NF1: variants seen among roughly 807,000 people sequenced by gnomAD.
NF1 encodes neurofibromin.
Under a neutral mutation model 325.7 loss-of-function variants are expected in NF1, and 122 were observed. The observed-to-expected ratio is 0.37, with a 90% CI of 0.32 to 0.44. NF1 has a LOEUF of 0.44. Among genes scored for constraint, NF1 ranks in the 20% least tolerant of loss-of-function variants. The pLI is 1.00. For synonymous variants in NF1, 1,091 were observed against 1,186.0 expected (o/e 0.92, Z 1.65); for missense variants, 2,140 against 3,415.4 (o/e 0.63, Z 9.31).
At position 31,337,354 on chromosome 17, in the gene NF1, T is replaced by C. The variant is rs779197345; in HGVS notation, c.6428-14T>C. On this transcript the variant is annotated splice_polypyrimidine_tract_variant and intron_variant, in intron 42 of 57. Coordinates refer to ENST00000358273, the MANE Select transcript of NF1 (RefSeq NM_001042492.3). ...ATATTTTCTGTCTTTACTTGTTCCTTTATTCTCTTACAGAAGAGACCAAGC... is the reference window on the plus strand; with the variant it reads ...ATATTTTCTGTCTTTACTTGTTCCTCTATTCTCTTACAGAAGAGACCAAGC... 3.1e-6 allele frequency: 5 copies of C among 1,594,118 alleles called. No individual in the cohort carries two copies. The highest frequency in any genetic ancestry group is 4.3e-6 in the Non-Finnish European group (5 of 1,162,252).
chr17:31,308,388 G>A (rs1160270029), intron 36 of NF1, among the ~76,000 whole-genome samples: 4 of 151,952 alleles, frequency 2.6e-5, no homozygotes, highest in South Asian at 4.1e-4. Context: ...TGATCTGTCC[G>A]CCTCAGCCTC....
At chr17:31,253,575 AT>A (rs1402433960) in intron 31 of NF1, 1 of 152,994 alleles carries the variant, frequency 6.5e-6, no homozygotes, top group Non-Finnish European at 1.5e-5. Context: ...CCTCAAAAAA[AT>A]AAGAGGTAAA....
rs2151552874 is a variant in NF1, at chr17:31,336,251, A to G, written c.6007-82A>G. The G allele has an allele frequency of 6.9e-7, 1 of 1,439,442 alleles. No homozygotes were observed. Among genetic ancestry groups the G allele is most frequent in the South Asian group, 1.2e-5 (1 of 83,300 alleles). 89.2% of individuals were successfully genotyped at this position (1,439,442 alleles called of 1,614,324 possible). A position where few individuals can be genotyped will look rare whatever the true frequency, so the allele number is the denominator to read the frequency against. On this transcript the variant is annotated intron_variant, in intron 40 of 57. Coordinates refer to ENST00000358273, the MANE Select transcript of NF1 (RefSeq NM_001042492.3). This position sits in a 1 kb window ranked among gnomAD's most constrained non-coding sequence, Gnocchi z 5.5. ...GTAAAATAGAATTTTCATATTGATT[A>G]GGCTGTTCCAATGAATATTTTTTAA...
chr17:31,224,309 A>G (rs2066976403), intron 16 of NF1, among the ~76,000 whole-genome samples: 1 of 152,164 alleles, frequency 6.6e-6, no homozygotes, highest in African/African-American at 2.4e-5. Flanking sequence ...GAATTCTGTT[A>G]TGGCCTAGTT....
At chr17:31,320,345 A>ATTT (rs747605818) in intron 36 of NF1, 14 of 977,092 alleles carry the variant, frequency 1.4e-5, no homozygotes, top group South Asian at 2.5e-5. Context: ...CTTTTATTTA[A>ATTT]AAAAAAAAAA....
intron 31 of NF1, among the ~76,000 whole-genome samples, chr17:31,255,422 A>G (rs78292062): frequency 6.6e-6 from 1 of 152,176 alleles, no homozygotes; most frequent in African/African-American, 2.4e-5. Flanking sequence ...GGTGAATGAA[A>G]AAAAAACAGT....
intron 35 of NF1, among the ~76,000 whole-genome samples, chr17:31,262,291 T>C (rs550001866): frequency 6.6e-6 from 1 of 152,358 alleles, no homozygotes; most frequent in South Asian, 2.1e-4. Flanking sequence ...TTAATGGTTT[T>C]AAATTATTTC....
rs1567852796 is a variant in NF1, at chr17:31,235,973, T to A, written c.3926T>A (p.Ile1309Asn). The A allele has an allele frequency of 1.2e-6, 2 of 1,614,102 alleles. No individual in the cohort carries two copies. The highest frequency in any genetic ancestry group is 1.7e-6 in the Non-Finnish European group (2 of 1,180,010). The change falls in exon 29 of 58, where the codon ATC becomes AAC. Residue 1309 changes from isoleucine (I) to asparagine (N), a missense_variant. Physicochemically the swap from Ile to Asn is moderately radical, Grantham distance 149 (BLOSUM62 -3). Around this residue, in one of 10 missense-constraint regions of NF1, gnomAD observed 336 missense variants for 399.0 expected, o/e 0.84. Coordinates refer to ENST00000358273, the MANE Select transcript of NF1 (RefSeq NM_001042492.3). ...CTGGATCCTTTATTACGAATTGTGA[T>A]CACATCCTCTGATTGGCAACATGTT... ...KLLDPLLRIV[I>N]TSSDWQHVSF...
chr17:31,154,053 A>ATTTTTTTTT (rs67332557), intron 1 of NF1, among the ~76,000 whole-genome samples: 2 of 52,724 alleles, frequency 3.8e-5, no homozygotes, highest in African/African-American at 7.6e-5. Flanking sequence ...AGTTTCTTTG[A>ATTTTTTTTT]TTTTTTTTTT....
chr17:31,129,048 C>G (rs969979244), intron 1 of NF1, among the ~76,000 whole-genome samples: 2 of 152,086 alleles, frequency 1.3e-5, no homozygotes, highest in African/African-American at 4.8e-5. Flanking sequence ...TCCTTTCTCT[C>G]TAGCCACCTT....
chr17:31,154,787 T>C (rs1917209806), intron 1 of NF1, among the ~76,000 whole-genome samples: 1 of 144,188 alleles, frequency 6.9e-6, no homozygotes, highest in Non-Finnish European at 1.5e-5. Flanking sequence ...ATCGCCAGGC[T>C]GGAGTGCAGT....
At chr17:31,295,426 T>G (rs1200972876) in intron 36 of NF1, 1 of 1,614,126 alleles carries the variant, frequency 6.2e-7, no homozygotes, top group Admixed American at 1.7e-5. Context: ...GTTTGGGTAT[T>G]TTGGTCACTT....
intron 1 of NF1, among the ~76,000 whole-genome samples, chr17:31,097,981 A>G (rs1411978382): frequency 1.3e-5 from 2 of 152,066 alleles, no homozygotes; most frequent in Non-Finnish European, 2.9e-5. Flanking sequence ...TGCTGGGATT[A>G]CAGGCATGAG....
intron 29 of NF1, among the ~76,000 whole-genome samples, chr17:31,245,666 G>T (rs1422052565): frequency 6.6e-6 from 1 of 152,076 alleles, no homozygotes; most frequent in African/African-American, 2.4e-5. Context: ...TGCACATAGG[G>T]CAAGGCATGT....
intron 48 of NF1, chr17:31,346,232 C>T: frequency 6.2e-7 from 1 of 1,610,362 alleles, no homozygotes; most frequent in Non-Finnish European, 8.5e-7. Flanking sequence ...GTCATTCATT[C>T]AGTAGTGTGT....
At chr17:31,297,156 C>T (rs952580695) in intron 36 of NF1, 1 of 152,058 alleles carries the variant, frequency 6.6e-6, no homozygotes, top group Non-Finnish European at 1.5e-5. Flanking sequence ...AACATCTTAC[C>T]GTGGTGTCGT....
intron 36 of NF1, chr17:31,295,511 G>A (rs1244277891): frequency 6.2e-7 from 1 of 1,614,034 alleles, no homozygotes; most frequent in African/African-American, 1.3e-5. Flanking sequence ...TAAGCTTGAG[G>A]TAAATCCAGA....
At chr17:31,239,553 G>C (rs1050843022) in intron 29 of NF1, among the ~76,000 whole-genome samples, 1 of 150,442 alleles carries the variant, frequency 6.6e-6, no homozygotes, top group Non-Finnish European at 1.5e-5. Flanking sequence ...AGCAAGATGG[G>C]GGGAGGAATC....
chr17:31,103,721 G>A (rs762774698), intron 1 of NF1, among the ~76,000 whole-genome samples: 3 of 152,046 alleles, frequency 2.0e-5, no homozygotes, highest in Non-Finnish European at 2.9e-5. Context: ...TATAATTCAA[G>A]CTTTTTGGGG....
Sources: gnomAD v4.1 joint callset for allele counts (sites outside exome capture counted in the v4.1 genomes callset) on GRCh38, gnomAD v4.1.1 for gene constraint, gnomAD v4.1.1 regional missense constraint, Gnocchi (gnomAD v3.1) non-coding constraint, MANE v1.5 for transcripts, NCBI Gene and HGNC (gene_info 2026-07-23, HGNC 2026-07-21) for gene names.